The following GPM6A variants were observed in gnomAD, a reference collection of about 807,000 sequenced individuals.
GPM6A encodes neuronal membrane glycoprotein M6-a.
GPM6A carries 7 observed loss-of-function variants against 32.1 expected under a neutral mutation model. That is an observed-to-expected ratio of 0.22 (90% CI 0.12 to 0.41). The LOEUF is 0.41. Among genes scored for constraint, GPM6A ranks in the 10% least tolerant of loss-of-function variants. GPM6A has a pLI of 1.00. For missense variants in GPM6A, 235 were observed against 347.2 expected (o/e 0.68, Z 2.57); for synonymous variants, 130 against 123.4 (o/e 1.05, Z -0.35).
At chr4:175,794,850 G>C (rs1734156085) in intron 1 of GPM6A, among the ~76,000 whole-genome samples, 1 of 152,290 alleles carries the variant, frequency 6.6e-6, no homozygotes, top group Middle Eastern at 3.4e-3. Flanking sequence ...TATTATAAGG[G>C]CTTGATATGC....
intron 1 of GPM6A, among the ~76,000 whole-genome samples, chr4:175,978,638 G>A (rs114624040): frequency 0.018 from 2,720 of 152,118 alleles, 66 homozygotes; most frequent in African/African-American, 0.061. Context: ...CAAATAATAT[G>A]GCAATAAACA....
intron 1 of GPM6A, among the ~76,000 whole-genome samples, chr4:175,894,094 G>C (rs1297799886): frequency 6.6e-6 from 1 of 152,090 alleles, no homozygotes; most frequent in African/African-American, 2.4e-5. Context: ...TGTTGTCTCA[G>C]TGTGGCTGAT....
chr4:175,932,683 TA>T (rs567536910), intron 1 of GPM6A, among the ~76,000 whole-genome samples: 280 of 152,286 alleles, frequency 1.8e-3, no homozygotes, highest in African/African-American at 6.4e-3. Flanking sequence ...GTAACAATTT[TA>T]CAAAGAGAAG....
chr4:175,855,161 A>C (rs921645120), intron 1 of GPM6A, among the ~76,000 whole-genome samples: 2 of 152,164 alleles, frequency 1.3e-5, no homozygotes, highest in African/African-American at 4.8e-5. Context: ...CTAGCAGGCA[A>C]TCAAAAATTA....
intron 1 of GPM6A, among the ~76,000 whole-genome samples, chr4:175,828,926 GT>G (rs1221788434): frequency 6.6e-6 from 1 of 151,964 alleles, no homozygotes; most frequent in Non-Finnish European, 1.5e-5. Flanking sequence ...TAATCTTTTT[GT>G]TTTGTTTTGT....
rs548130259 is a variant in GPM6A, at chr4:175,938,308, A to G, written c.-23+64001T>C. ...TGAGTCAAATGGTATTTCTGGTTCT[A>G]GATCCTTGAGGAATTGCCACACTGT... On this transcript the variant is annotated intron_variant, in intron 1 of 7. Transcript: ENST00000280187. Among the ~76,000 whole-genome samples, 3 of 152,316 alleles carry G rather than the reference A, an allele frequency of 2.0e-5. No individual in the cohort carries two copies. In the South Asian group the frequency reaches 6.2e-4, roughly 32 times the overall value.
At chr4:175,906,221 C>A (rs1269536272) in intron 1 of GPM6A, among the ~76,000 whole-genome samples, 1 of 152,076 alleles carries the variant, frequency 6.6e-6, no homozygotes, top group East Asian at 1.9e-4. Flanking sequence ...GATAGAAAGT[C>A]ATCACTGAAT....
chr4:175,972,391 T>C (rs559573128), intron 1 of GPM6A, among the ~76,000 whole-genome samples: 2 of 152,344 alleles, frequency 1.3e-5, no homozygotes, highest in Admixed American at 1.3e-4. Flanking sequence ...AAGAGACTTA[T>C]AGATAAAAAC....
At chr4:175,800,895 A>G (rs931289323) in intron 1 of GPM6A, 2 of 197,372 alleles carry the variant, frequency 1.0e-5, no homozygotes, top group African/African-American at 4.7e-5. Context: ...ATGGAAAATG[A>G]TTTTTGGAGT....
chr4:175,670,373 A>C (rs1469911343), intron 3 of GPM6A, among the ~76,000 whole-genome samples: 1 of 152,202 alleles, frequency 6.6e-6, no homozygotes, highest in Non-Finnish European at 1.5e-5. Flanking sequence ...GGATGGGGGC[A>C]AAAAATATCT....
intron 1 of GPM6A, among the ~76,000 whole-genome samples, chr4:175,864,911 T>C (rs1736683936): frequency 6.6e-6 from 1 of 152,088 alleles, no homozygotes; most frequent in South Asian, 2.1e-4. Context: ...GCTCAAGCAA[T>C]TCTCCTGCCT....
At chr4:175,652,807 C>T (rs140635736) in intron 3 of GPM6A, among the ~76,000 whole-genome samples, 94 of 152,154 alleles carry the variant, frequency 6.2e-4, no homozygotes, top group African/African-American at 2.0e-3. Flanking sequence ...GGATGATAGA[C>T]ATTAGACAGA....
intron 1 of GPM6A, among the ~76,000 whole-genome samples, chr4:175,944,269 A>G (rs1371957402): frequency 6.6e-6 from 1 of 152,206 alleles, no homozygotes; most frequent in Non-Finnish European, 1.5e-5. Context: ...GGCCTAAGAT[A>G]TGCAAAGAAT....
At chr4:175,637,671 TA>T (rs1560842683) in intron 6 of GPM6A, among the ~76,000 whole-genome samples, 3,453 of 7,626 alleles carry the variant, frequency 0.45, 328 homozygotes, top group African/African-American at 0.52. Flanking sequence ...ATATAATATA[TA>T]TAATATATAT....
At chr4:175,787,014 T>A in intron 1 of GPM6A, 1 of 252,282 alleles carries the variant, frequency 4.0e-6, no homozygotes, top group Non-Finnish European at 7.5e-6. Context: ...CCAATTGACC[T>A]CCCTCTGTGA....
Position 175,831,713 on chromosome 4 carries a change from C to CTCTTT in GPM6A, c.-22-19469_-22-19465dup, listed in dbSNP as rs1560955802. On this transcript the variant is annotated intron_variant, in intron 1 of 7. Coordinates refer to the GPM6A transcript ENST00000280187. ...AACTTGTTAAGGCCCATTTAGCCAT[C>CTCTTT]TCTTTTTTTTTTTTTTTTTTTTTTT... Among the ~76,000 whole-genome samples, 12 of 32,832 alleles carry CTCTTT rather than the reference C, an allele frequency of 3.7e-4. 1 individual carries two copies. Among genetic ancestry groups the CTCTTT allele is most frequent in the South Asian group, 1.5e-3 (1 of 674 alleles). 21.5% of individuals were successfully genotyped at this position (32,832 alleles called of 152,430 possible). A position where few individuals can be genotyped will look rare whatever the true frequency, so the allele number is the denominator to read the frequency against.
At chr4:175,953,030 T>TTAAA (rs1554004592) in intron 1 of GPM6A, among the ~76,000 whole-genome samples, 36 of 135,452 alleles carry the variant, frequency 2.7e-4, no homozygotes, top group Non-Finnish European at 5.3e-4. Flanking sequence ...ACCCTGTTTT[T>TTAAA]AAAAAAAAAA....
chr4:175,891,706 G>C (rs1737655116), intron 1 of GPM6A: 4 of 152,220 alleles, frequency 2.6e-5, no homozygotes. Context: ...AGAGAGAAAA[G>C]AAGGTGGTGA....
At chr4:175,902,627 G>A (rs527847387) in intron 1 of GPM6A, among the ~76,000 whole-genome samples, 4 of 152,154 alleles carry the variant, frequency 2.6e-5, no homozygotes, top group Admixed American at 2.0e-4. Flanking sequence ...TACAAATGGC[G>A]CACCTGGTCC....
Sources: gnomAD v4.1 joint callset for allele counts (sites outside exome capture counted in the v4.1 genomes callset) on GRCh38, gnomAD v4.1.1 for gene constraint, MANE v1.5 for transcripts, NCBI Gene and HGNC (gene_info 2026-07-23, HGNC 2026-07-21) for gene names.